Variants in ERBB4 observed in about 807,000 individuals in gnomAD.
ERBB4 encodes the protein erb-b2 receptor tyrosine kinase 4.
Under a neutral mutation model 158.0 loss-of-function variants are expected in ERBB4, and 42 were observed. The ratio of observed to expected loss-of-function variants is 0.27; its 90% CI spans 0.21 to 0.34. ERBB4 has a LOEUF of 0.34. ERBB4 is among the 10% of genes least tolerant of loss of function. The pLI is 1.00. For missense variants in ERBB4, 1,333 were observed against 1,624.1 expected, an observed-to-expected ratio of 0.82 and a Z score of 3.08; for synonymous variants, 583 against 558.7, an observed-to-expected ratio of 1.04 and a Z score of -0.61.
At chr2:211,918,534 C>T (rs1403881077) in intron 3 of ERBB4, among the ~76,000 whole-genome samples, 12 of 152,124 alleles carry the variant, frequency 7.9e-5, no homozygotes, top group Non-Finnish European at 2.9e-5. Context: ...CTGTAGATTT[C>T]GAGAGATACG....
At position 211,477,621 on chromosome 2, in the gene ERBB4, G is replaced by A. The variant is rs76344086; in HGVS notation, c.2488-46521C>T. 1.1e-3 allele frequency among the ~76,000 whole-genome samples: 164 copies of A among 152,156 alleles called. 1 individual carries two copies. The highest frequency in any genetic ancestry group is 3.8e-3 in the African/African-American group (158 of 41,526). On this transcript the variant is annotated intron_variant, in intron 20 of 27. Transcript: ENST00000342788. ...TGAAAATGTATTAAACTATGCATATGTTTTGTATATTTTTCTAGATCTGTG... is the reference window on the plus strand; with the variant it reads ...TGAAAATGTATTAAACTATGCATATATTTTGTATATTTTTCTAGATCTGTG...
intron 19 of ERBB4, among the ~76,000 whole-genome samples, chr2:211,595,528 A>G (rs1332340218): frequency 2.0e-5 from 3 of 152,188 alleles, no homozygotes; most frequent in African/African-American, 4.8e-5. Flanking sequence ...TAAAGCATTA[A>G]TAATAAGAAA....
intron 1 of ERBB4, among the ~76,000 whole-genome samples, chr2:212,439,223 T>C (rs1505376): frequency 0.47 from 71,833 of 151,974 alleles, 18,543 homozygotes; most frequent in African/African-American, 0.68. Context: ...AAAAGACTGC[T>C]TCGAGATTAT....
intron 3 of ERBB4, among the ~76,000 whole-genome samples, chr2:211,858,315 C>T (rs781516945): frequency 6.6e-6 from 1 of 152,116 alleles, no homozygotes; most frequent in African/African-American, 2.4e-5. Flanking sequence ...CTTACAGTCC[C>T]GTAGACAGTT....
At chr2:212,257,699 C>A (rs558848168) in intron 1 of ERBB4, among the ~76,000 whole-genome samples, 2 of 152,140 alleles carry the variant, frequency 1.3e-5, no homozygotes, top group Non-Finnish European at 2.9e-5. Flanking sequence ...ACGTGTTGAA[C>A]ATAAAATTCA....
At chr2:211,901,565 T>C (rs779806270) in intron 3 of ERBB4, among the ~76,000 whole-genome samples, 110 of 152,096 alleles carry the variant, frequency 7.2e-4, no homozygotes, top group Non-Finnish European at 9.0e-4. Context: ...TAACTCTGCT[T>C]TTCACTGTGG....
At chr2:212,527,840 C>T (rs1051834570) in intron 1 of ERBB4, among the ~76,000 whole-genome samples, 20 of 141,226 alleles carry the variant, frequency 1.4e-4, no homozygotes, top group Non-Finnish European at 3.1e-4. Context: ...TCTCCTAATG[C>T]TATCCCTCCC....
chr2:211,947,822 T>C lies in ERBB4; in HGVS notation c.235-206A>G, dbSNP rs73079309. On this transcript the variant is annotated intron_variant, in intron 2 of 27. Transcript: ENST00000342788. ...TCATTTGAAGTATAAGTTGTGTTTC[T>C]TTTAAACAGTTATGAATGTGCTTAT... Among the ~76,000 whole-genome samples, 1,471 of 152,350 alleles carry C rather than the reference T, an allele frequency of 9.7e-3. 22 individuals are homozygous for C. The highest frequency in any genetic ancestry group is 0.034 in the African/African-American group (1,398 of 41,584).
chr2:211,919,188 T>C (rs1472937606), intron 3 of ERBB4, among the ~76,000 whole-genome samples: 1 of 152,052 alleles, frequency 6.6e-6, no homozygotes, highest in Non-Finnish European at 1.5e-5. Context: ...GTTTCCAAAG[T>C]AATTAAAATA....
chr2:211,401,803 A>AAAAT (rs565526114), intron 25 of ERBB4, among the ~76,000 whole-genome samples: 181 of 152,158 alleles, frequency 1.2e-3, no homozygotes, highest in African/African-American at 4.0e-3. Flanking sequence ...TGGGAAAAAT[A>AAAAT]AAATAGATTA....
chr2:212,370,195 C>T (rs1210274929), intron 1 of ERBB4, among the ~76,000 whole-genome samples: 2 of 152,052 alleles, frequency 1.3e-5, no homozygotes, highest in African/African-American at 4.8e-5. Flanking sequence ...GATCTCATGG[C>T]TATATAAGGG....
At chr2:211,704,840 T>C (rs2073377931) in intron 10 of ERBB4, among the ~76,000 whole-genome samples, 1 of 152,192 alleles carries the variant, frequency 6.6e-6, no homozygotes, top group Non-Finnish European at 1.5e-5. Flanking sequence ...AAAATGTGCA[T>C]AAAAGCTAAA....
At chr2:211,594,825 G>C (rs960748619) in intron 19 of ERBB4, among the ~76,000 whole-genome samples, 7 of 152,236 alleles carry the variant, frequency 4.6e-5, no homozygotes, top group African/African-American at 1.7e-4. Context: ...ATTCCCTAAA[G>C]AAGGGCTTTT....
chr2:212,056,581 T>C (rs1188719066), intron 2 of ERBB4, among the ~76,000 whole-genome samples: 3 of 152,196 alleles, frequency 2.0e-5, no homozygotes, highest in Admixed American at 1.3e-4. Context: ...GTGGATCTCT[T>C]GGCAGAAACT....
At chr2:212,507,805 C>T (rs189939522) in intron 1 of ERBB4, among the ~76,000 whole-genome samples, 207 of 152,210 alleles carry the variant, frequency 1.4e-3, no homozygotes, top group African/African-American at 4.1e-3. Flanking sequence ...GAAATGACAA[C>T]GAAAGATTTA....
intron 1 of ERBB4, among the ~76,000 whole-genome samples, chr2:212,146,251 C>A (rs2080669136): frequency 1.3e-5 from 2 of 152,150 alleles, no homozygotes; most frequent in South Asian, 4.1e-4. Flanking sequence ...CCCACTATTT[C>A]TCTTATCCTG....
intron 1 of ERBB4, among the ~76,000 whole-genome samples, chr2:212,246,296 A>T (rs1462557066): frequency 6.6e-6 from 1 of 152,220 alleles, no homozygotes; most frequent in African/African-American, 2.4e-5. Flanking sequence ...AATTGGATTA[A>T]TATTTCATTT....
chr2:211,785,522 T>A (rs919316658), intron 4 of ERBB4, among the ~76,000 whole-genome samples: 4 of 152,170 alleles, frequency 2.6e-5, no homozygotes, highest in African/African-American at 9.7e-5. Context: ...TTTCCCCCTA[T>A]ATTTTCTGCC....
intron 2 of ERBB4, among the ~76,000 whole-genome samples, chr2:211,982,681 T>C (rs561712696): frequency 5.9e-5 from 9 of 152,206 alleles, no homozygotes; most frequent in Non-Finnish European, 1.0e-4. Context: ...TCCGATTCTA[T>C]AGGGCTCTGA....
Sources: gnomAD v4.1 joint callset for allele counts (sites outside exome capture counted in the v4.1 genomes callset) on GRCh38, gnomAD v4.1.1 for gene constraint, MANE v1.5 for transcripts, NCBI Gene and HGNC (gene_info 2026-07-23, HGNC 2026-07-21) for gene names.